Variants in RCAN2 observed in about 807,000 individuals in gnomAD.
The protein encoded by RCAN2 is regulator of calcineurin 2, also known as calcipressin-2.
RCAN2 carries 9 observed loss-of-function variants against 23.6 expected under a neutral mutation model. The ratio of observed to expected loss-of-function variants is 0.38; its 90% CI spans 0.23 to 0.67. RCAN2 has a LOEUF of 0.67. Among genes scored for constraint, RCAN2 ranks in the 30% least tolerant of loss-of-function variants. RCAN2 has a pLI of 0.51. For missense variants in RCAN2, 273 were observed against 302.3 expected (o/e 0.90, Z 0.72); for synonymous variants, 109 against 115.7 (o/e 0.94, Z 0.37).
intron 2 of RCAN2, among the ~76,000 whole-genome samples, chr6:46,291,035 C>T (rs879875104): frequency 2.0e-5 from 3 of 152,120 alleles, no homozygotes; most frequent in Non-Finnish European, 2.9e-5. Flanking sequence ...ATGACCTTCA[C>T]CTAATAGGTA....
chr6:46,389,407 A>G (rs1292591860), intron 2 of RCAN2, among the ~76,000 whole-genome samples: 1 of 152,128 alleles, frequency 6.6e-6, no homozygotes, highest in Non-Finnish European at 1.5e-5. Context: ...CTCAGGAATC[A>G]TCTCCTTCAG....
At chr6:46,317,694 T>C (rs1414636558) in intron 2 of RCAN2, among the ~76,000 whole-genome samples, 1 of 152,178 alleles carries the variant, frequency 6.6e-6, no homozygotes, top group Non-Finnish European at 1.5e-5. Context: ...CTCGATCTCC[T>C]GACCTTCTGA....
intron 2 of RCAN2, among the ~76,000 whole-genome samples, chr6:46,412,730 A>G (rs906915018): frequency 6.6e-6 from 1 of 152,188 alleles, no homozygotes; most frequent in Non-Finnish European, 1.5e-5. Context: ...GAAGGTTGTG[A>G]TTGCTTTGAT....
intron 2 of RCAN2, among the ~76,000 whole-genome samples, chr6:46,402,624 A>T (rs1381915712): frequency 6.6e-6 from 1 of 152,234 alleles, no homozygotes; most frequent in Non-Finnish European, 1.5e-5. Context: ...CCGCACACCC[A>T]GAAGGAAGGA....
intron 2 of RCAN2, chr6:46,325,727 G>A (rs751253207): frequency 1.3e-5 from 17 of 1,298,674 alleles, no homozygotes; most frequent in South Asian, 6.5e-5. Flanking sequence ...GACACAAGCT[G>A]AAGCTATTTT....
chr6:46,456,051 G>A (rs1487467805), intron 2 of RCAN2, among the ~76,000 whole-genome samples: 1 of 152,150 alleles, frequency 6.6e-6, no homozygotes, highest in Non-Finnish European at 1.5e-5. Context: ...ACTTTGGAAA[G>A]GTCTCCAAAT....
At chr6:46,247,573 G>T (rs1211552259) in intron 3 of RCAN2, among the ~76,000 whole-genome samples, 1 of 152,194 alleles carries the variant, frequency 6.6e-6, no homozygotes, top group African/African-American at 2.4e-5. Flanking sequence ...ACCTGTTCTT[G>T]ATATGTCCTA....
chr6:46,227,089 T>A (rs1353294312), intron 4 of RCAN2, among the ~76,000 whole-genome samples: 1 of 152,204 alleles, frequency 6.6e-6, no homozygotes, highest in African/African-American at 2.4e-5. Flanking sequence ...TGGATTATGT[T>A]TATTGATTTG....
intron 2 of RCAN2, among the ~76,000 whole-genome samples, chr6:46,336,570 A>G (rs1260911921): frequency 2.0e-5 from 3 of 152,174 alleles, no homozygotes; most frequent in African/African-American, 7.2e-5. Context: ...TTTAATTGGA[A>G]TGGAAAGCCT....
At chr6:46,313,526 T>C (rs1346089695) in intron 2 of RCAN2, among the ~76,000 whole-genome samples, 1 of 152,254 alleles carries the variant, frequency 6.6e-6, no homozygotes, top group Non-Finnish European at 1.5e-5. Context: ...TTTTTACATA[T>C]AAGGAAAATC....
chr6:46,298,704 T>G (rs200588005), intron 2 of RCAN2, among the ~76,000 whole-genome samples: 1 of 152,200 alleles, frequency 6.6e-6, no homozygotes, highest in East Asian at 1.9e-4. Flanking sequence ...GTGTGGAGAT[T>G]TGTCAAGGAA....
At chr6:46,263,511 G>A (rs1561833983) in intron 2 of RCAN2, among the ~76,000 whole-genome samples, 12 of 95,914 alleles carry the variant, frequency 1.3e-4, no homozygotes, top group African/African-American at 4.5e-4. Context: ...GTATGTGTGT[G>A]TATGTGTGTA....
At chr6:46,325,128 G>GCC (rs1255358794) in intron 2 of RCAN2, among the ~76,000 whole-genome samples, 3 of 152,186 alleles carry the variant, frequency 2.0e-5, no homozygotes, top group African/African-American at 7.2e-5. Context: ...ATGAAAATGT[G>GCC]TCTACTCAGA....
At chr6:46,326,050 G>A (rs966180516) in intron 2 of RCAN2, among the ~76,000 whole-genome samples, 1 of 152,122 alleles carries the variant, frequency 6.6e-6, no homozygotes, top group African/African-American at 2.4e-5. Context: ...TCTGTTAATT[G>A]CTCTGTGCCA....
At chr6:46,448,373 G>T (rs973362767) in intron 2 of RCAN2, among the ~76,000 whole-genome samples, 1 of 151,660 alleles carries the variant, frequency 6.6e-6, no homozygotes, top group Admixed American at 6.6e-5. Context: ...CCCAGAACAC[G>T]ATGACTTTAT....
chr6:46,236,069 G>T (rs1038379214), intron 4 of RCAN2, among the ~76,000 whole-genome samples: 1 of 152,194 alleles, frequency 6.6e-6, no homozygotes, highest in Admixed American at 6.5e-5. Flanking sequence ...TATTTAGGGC[G>T]ATATTATTTT....
intron 2 of RCAN2, among the ~76,000 whole-genome samples, chr6:46,334,853 T>C (rs1764091458): frequency 6.6e-6 from 1 of 152,216 alleles, no homozygotes; most frequent in Non-Finnish European, 1.5e-5. Context: ...AAGAGTTTTA[T>C]CCCTGCCTTA....
chr6:46,471,775 A>G (rs1484691207), intron 1 of RCAN2, among the ~76,000 whole-genome samples: 1 of 152,166 alleles, frequency 6.6e-6, no homozygotes. Context: ...ATTTTAGAGG[A>G]ATAATAATAG....
At chr6:46,347,210 G>T (rs1178575310) in intron 2 of RCAN2, among the ~76,000 whole-genome samples, 1 of 152,256 alleles carries the variant, frequency 6.6e-6, no homozygotes, top group Non-Finnish European at 1.5e-5. Context: ...TTTGGATAAT[G>T]CAACACCACA....
Sources: allele counts gnomAD v4.1 joint callset (sites outside exome capture counted in the v4.1 genomes callset), GRCh38; gene constraint gnomAD v4.1.1; transcripts MANE v1.5; gene names NCBI Gene and HGNC (gene_info 2026-07-23, HGNC 2026-07-21).